PI4KA: variants seen among roughly 807,000 people sequenced by gnomAD.
PI4KA encodes PI4-kinase alpha.
Under a neutral mutation model 271.4 loss-of-function variants are expected in PI4KA, and 122 were observed. The observed-to-expected ratio is 0.45, with a 90% CI of 0.39 to 0.52. PI4KA has a LOEUF of 0.52. PI4KA is among the 20% of genes least tolerant of loss of function. The pLI is 0.00. For missense variants in PI4KA, 1,969 were observed against 2,769.1 expected, an observed-to-expected ratio of 0.71 and a Z score of 6.48; for synonymous variants, 1,041 against 1,078.8, an observed-to-expected ratio of 0.96 and a Z score of 0.69.
chr22:20,745,309 C>G (rs1288462327), intron 29 of PI4KA, among the ~76,000 whole-genome samples: 4 of 152,210 alleles, frequency 2.6e-5, no homozygotes, highest in Non-Finnish European at 4.4e-5. Flanking sequence ...GCCTCAGTGA[C>G]CTGGCTTCCT....
chr22:20,752,631 G>T (rs1372050178), intron 25 of PI4KA, among the ~76,000 whole-genome samples: 2 of 152,230 alleles, frequency 1.3e-5, no homozygotes, highest in Admixed American at 6.5e-5. Context: ...TCATGCCAGA[G>T]TGGGTGGGAC....
intron 1 of PI4KA, among the ~76,000 whole-genome samples, chr22:20,852,055 C>A (rs1927049395): frequency 6.6e-6 from 1 of 152,142 alleles, no homozygotes; most frequent in African/African-American, 2.4e-5. Context: ...ACCCAGGAGG[C>A]AGAGCTTGCA....
chr22:20,723,193 T>C (rs1178291295), intron 42 of PI4KA, among the ~76,000 whole-genome samples: 3 of 151,764 alleles, frequency 2.0e-5, no homozygotes, highest in Non-Finnish European at 2.9e-5. Context: ...AATCTTTTTT[T>C]GTATTTTTAG....
At chr22:20,795,572 A>C (rs1934932332) in intron 18 of PI4KA, among the ~76,000 whole-genome samples, 1 of 152,194 alleles carries the variant, frequency 6.6e-6, no homozygotes, top group Non-Finnish European at 1.5e-5. Context: ...AATTTCCTTA[A>C]AATTTTAAGG....
chr22:20,857,340 C>T (rs1329752702), intron 1 of PI4KA, among the ~76,000 whole-genome samples: 1 of 152,202 alleles, frequency 6.6e-6, no homozygotes, highest in Admixed American at 6.5e-5. Context: ...CCGGGACCTT[C>T]TCACCCCGAA....
At chr22:20,738,958 T>C (rs955711793) in intron 32 of PI4KA, among the ~76,000 whole-genome samples, 4 of 149,472 alleles carry the variant, frequency 2.7e-5, no homozygotes, top group African/African-American at 7.4e-5. Flanking sequence ...ATCCCAGCAC[T>C]TGGGGAGGCC....
chr22:20,734,035 G>A lies in PI4KA; in HGVS notation c.4052+8C>T. ...GGGCCCTGTGCTCCCCAGGAAGAGG[G>A]CCCTCACTTGAAGCGGGGCCCGATG... is the stretch of plus-strand genomic sequence containing the variant. On this transcript the variant is annotated splice_region_variant and intron_variant, in intron 34 of 54. Coordinates refer to ENST00000255882, the MANE Select transcript of PI4KA (RefSeq NM_058004.4). The A allele has an allele frequency of 6.4e-7, 1 of 1,574,540 alleles. No individual in the cohort carries two copies. The highest frequency in any genetic ancestry group is 1.2e-5 in the South Asian group (1 of 86,104).
At chr22:20,858,057 G>A (rs1927827768) in intron 1 of PI4KA, among the ~76,000 whole-genome samples, 1 of 152,172 alleles carries the variant, frequency 6.6e-6, no homozygotes, top group African/African-American at 2.4e-5. Flanking sequence ...CAGTCACAAA[G>A]CACTTTCAAG....
In PI4KA at chr22:20,742,338, G is replaced by A. The variant is rs779237206; in HGVS notation, c.3631C>T (p.Leu1211Phe). 3.1e-6 allele frequency: 5 copies of A among 1,614,128 alleles called. No individual in the cohort carries two copies. In the South Asian group the frequency reaches 4.4e-5, roughly 14 times the overall value. Residue 1211 changes from leucine (L) to phenylalanine (F), a missense_variant, in exon 32 of 55, where the codon CTT becomes TTT. Leu to Phe is a conservative substitution (Grantham distance 22). Around this residue, in one of 13 missense-constraint regions of PI4KA, gnomAD observed 203 missense variants for 256.8 expected, o/e 0.79. Transcript: ENST00000255882. Reference sequence around the variant, plus strand: ...AGGGGACCCCAGCACAGATGATGAAGGAGCTGCGGGTCACAATCTGGAACC... The same window carrying A: ...AGGGGACCCCAGCACAGATGATGAAAGAGCTGCGGGTCACAATCTGGAACC... Reference protein sequence around the residue: ...ISSKDCDPQLLHHLCWGPLRM... With the variant: ...ISSKDCDPQLFHHLCWGPLRM...
chr22:20,727,461 C>T, intron 40 of PI4KA, 64 bp from the exon 41 acceptor site: 1 of 1,424,722 alleles, frequency 7.0e-7, no homozygotes, highest in African/African-American at 1.4e-5. Flanking sequence ...AATACCTGGT[C>T]CACGGGCCAC....
chr22:20,727,734 T>C (rs1159706466), intron 40 of PI4KA, 40 bp downstream of exon 40: 1 of 1,472,192 alleles, frequency 6.8e-7, no homozygotes, highest in Non-Finnish European at 9.5e-7. Flanking sequence ...TGCTATTTTG[T>C]GCAGTTTGAA....
chr22:20,748,837 G>T (rs984389156), intron 28 of PI4KA, among the ~76,000 whole-genome samples: 15 of 152,164 alleles, frequency 9.9e-5, no homozygotes, highest in African/African-American at 3.6e-4. Context: ...GGGTGGAGGA[G>T]AGGGCAGATT....
At chr22:20,726,082 C>G (rs568914542) in intron 42 of PI4KA, among the ~76,000 whole-genome samples, 1 of 152,338 alleles carries the variant, frequency 6.6e-6, no homozygotes, top group South Asian at 2.1e-4. Context: ...GTCGTTTAAG[C>G]TGCCCAGTCT....
intron 30 of PI4KA, among the ~76,000 whole-genome samples, chr22:20,743,898 C>T (rs1429242291): frequency 6.6e-6 from 1 of 151,886 alleles, no homozygotes; most frequent in Non-Finnish European, 1.5e-5. Context: ...ACTAAAAATA[C>T]AAAAAATTAG....
At chr22:20,839,086 G>A (rs528183010) in intron 1 of PI4KA, among the ~76,000 whole-genome samples, 7 of 152,166 alleles carry the variant, frequency 4.6e-5, no homozygotes, top group Non-Finnish European at 8.8e-5. Context: ...GCGTGGTGGC[G>A]CACACCTATC....
chr22:20,815,421 A>G (rs1408594855), intron 7 of PI4KA, among the ~76,000 whole-genome samples: 1 of 151,994 alleles, frequency 6.6e-6, no homozygotes, highest in Non-Finnish European at 1.5e-5. Context: ...CAAACAAACA[A>G]AAAACTATGA....
At chr22:20,797,081 C>T (rs1017809101) in intron 17 of PI4KA, among the ~76,000 whole-genome samples, 1 of 152,172 alleles carries the variant, frequency 6.6e-6, no homozygotes, top group Admixed American at 6.5e-5. Flanking sequence ...TGAAACACCA[C>T]GTGAAGCACT....
At chr22:20,779,411 A>T in intron 19 of PI4KA, 1 of 1,614,252 alleles carries the variant, frequency 6.2e-7, no homozygotes. Flanking sequence ...AAGGAGGGGA[A>T]ACTGCTCAGT....
intron 19 of PI4KA, among the ~76,000 whole-genome samples, chr22:20,788,395 T>C (rs566214697): frequency 2.6e-4 from 40 of 152,186 alleles, no homozygotes; most frequent in Non-Finnish European, 5.1e-4. Context: ...CACTGCCCTT[T>C]GTAGGCATGC....
Sources: allele counts gnomAD v4.1 joint callset (sites outside exome capture counted in the v4.1 genomes callset), GRCh38; gene constraint gnomAD v4.1.1; regional missense constraint gnomAD v4.1.1; transcripts MANE v1.5; gene names NCBI Gene and HGNC (gene_info 2026-07-23, HGNC 2026-07-21).